Variants in UNC5D observed in about 807,000 individuals in gnomAD.
UNC5D encodes the protein netrin receptor UNC5D.
Under a neutral mutation model 105.4 loss-of-function variants are expected in UNC5D, and 39 were observed. The observed-to-expected ratio is 0.37, with a 90% CI of 0.29 to 0.48. UNC5D has a LOEUF of 0.48. Among genes scored for constraint, UNC5D ranks in the 20% least tolerant of loss-of-function variants. The pLI is 0.98. For missense variants in UNC5D, 991 were observed against 1,202.4 expected (o/e 0.82, Z 2.60); for synonymous variants, 452 against 450.4 (o/e 1.00, Z -0.04).
At chr8:35,563,177 A>G (rs1817083207) in intron 2 of UNC5D, among the ~76,000 whole-genome samples, 1 of 151,956 alleles carries the variant, frequency 6.6e-6, no homozygotes, top group Non-Finnish European at 1.5e-5. Context: ...AGTGTCTTGA[A>G]TCTGTACATT....
At chr8:35,767,963 A>C (rs1235387860) in intron 15 of UNC5D, among the ~76,000 whole-genome samples, 1 of 151,768 alleles carries the variant, frequency 6.6e-6, no homozygotes, top group African/African-American at 2.4e-5. Flanking sequence ...AGGCTAGTGT[A>C]GGGAAACATA....
chr8:35,508,751 C>T (rs1015587722), intron 1 of UNC5D, among the ~76,000 whole-genome samples: 1 of 152,102 alleles, frequency 6.6e-6, no homozygotes, highest in Non-Finnish European at 1.5e-5. Flanking sequence ...AGCACTAAGC[C>T]CTTTAATTAC....
chr8:35,769,822 G>A (rs997385003), intron 15 of UNC5D, among the ~76,000 whole-genome samples: 11 of 152,066 alleles, frequency 7.2e-5, no homozygotes, highest in Non-Finnish European at 1.3e-4. Flanking sequence ...AATTAGCCGG[G>A]AGTGTTGGCG....
rs3991303 is a variant in UNC5D, at chr8:35,265,868, C to CATAATA, written c.103+30015_103+30020dup. Among the ~76,000 whole-genome samples, 619 of 142,488 alleles carry CATAATA rather than the reference C, an allele frequency of 4.3e-3. 5 individuals carry two copies. The highest frequency in any genetic ancestry group is 0.01 in the African/African-American group (398 of 38,538). The allele number at this position is 142,488 out of a possible 152,430, so 93.5% of individuals were successfully genotyped here. A position where few individuals can be genotyped will look rare whatever the true frequency, so the allele number is the denominator to read the frequency against. On this transcript the variant is annotated intron_variant, in intron 1 of 16. Transcript: ENST00000404895. ...CTGAGCGACAGAGCGAGACTCGTCTCATAATAATAATAATAATAATAATAA... is the reference window on the plus strand; with the variant it reads ...CTGAGCGACAGAGCGAGACTCGTCTCATAATAATAATAATAATAATAATAATAATAA...
intron 1 of UNC5D, among the ~76,000 whole-genome samples, chr8:35,275,823 A>G (rs1050798512): frequency 3.9e-5 from 6 of 152,180 alleles, no homozygotes; most frequent in African/African-American, 1.2e-4. Flanking sequence ...CTTAACTTTT[A>G]TACACCTATA....
At position 35,794,339 on chromosome 8, in the gene UNC5D, G is replaced by A. The variant is rs1429605242; in HGVS notation, c.*3776G>A. 2 of 152,096 alleles carry A rather than the reference G, an allele frequency of 1.3e-5. No individual in the cohort carries two copies. The highest frequency in any genetic ancestry group is 2.1e-4 in the South Asian group (1 of 4,828). The allele number at this position is 152,096 out of a possible 1,614,324, so 9.4% of individuals were successfully genotyped here. ...AAGGAGCTGAGAAATCTTCCTCTCC[G>A]GCCCACTGTCTGTGGCCCATTGTCA... On this transcript the variant is annotated 3_prime_UTR_variant, in exon 17 of 17. Coordinates refer to ENST00000404895, the MANE Select transcript of UNC5D (RefSeq NM_080872.4).
chr8:35,585,067 T>A (rs1317660258), intron 3 of UNC5D, among the ~76,000 whole-genome samples: 4 of 152,212 alleles, frequency 2.6e-5, no homozygotes, highest in Non-Finnish European at 5.9e-5. Context: ...CAGCATAATA[T>A]GTCCCTACTG....
intron 1 of UNC5D, among the ~76,000 whole-genome samples, chr8:35,270,297 A>G (rs1343832302): frequency 6.6e-6 from 1 of 152,160 alleles, no homozygotes; most frequent in Non-Finnish European, 1.5e-5. Flanking sequence ...TCGATAGAAG[A>G]TTGCATGTGG....
At chr8:35,269,654 C>A (rs1262982039) in intron 1 of UNC5D, among the ~76,000 whole-genome samples, 4 of 152,206 alleles carry the variant, frequency 2.6e-5, no homozygotes, top group South Asian at 4.1e-4. Context: ...CAATGCCAGA[C>A]ATATTCTCTT....
intron 1 of UNC5D, among the ~76,000 whole-genome samples, chr8:35,392,749 T>C (rs1394808622): frequency 6.6e-6 from 1 of 152,120 alleles, no homozygotes; most frequent in African/African-American, 2.4e-5. Flanking sequence ...GGTAAAGGGG[T>C]GGAAGATGGT....
At chr8:35,297,268 C>A (rs1807564596) in intron 1 of UNC5D, among the ~76,000 whole-genome samples, 1 of 152,104 alleles carries the variant, frequency 6.6e-6, no homozygotes, top group Non-Finnish European at 1.5e-5. Flanking sequence ...ACAAAGAATT[C>A]TTGGTTATTG....
chr8:35,333,466 C>T (rs888988070), intron 1 of UNC5D, among the ~76,000 whole-genome samples: 1 of 151,784 alleles, frequency 6.6e-6, no homozygotes, highest in African/African-American at 2.4e-5. Flanking sequence ...TTGTACAATC[C>T]TTAGGTTTCT....
At chr8:35,348,137 G>T (rs2128907865) in intron 1 of UNC5D, among the ~76,000 whole-genome samples, 1 of 151,988 alleles carries the variant, frequency 6.6e-6, no homozygotes, top group South Asian at 2.1e-4. Context: ...AATATTGGTA[G>T]CTTAGTGTCC....
At chr8:35,258,995 TC>T (rs1348904221) in intron 1 of UNC5D, among the ~76,000 whole-genome samples, 1 of 152,094 alleles carries the variant, frequency 6.6e-6, no homozygotes, top group Non-Finnish European at 1.5e-5. Flanking sequence ...GAAGTACTCT[TC>T]CCCCTGGCTG....
intron 1 of UNC5D, among the ~76,000 whole-genome samples, chr8:35,482,372 T>C (rs1810537605): frequency 6.6e-6 from 1 of 152,150 alleles, no homozygotes; most frequent in Non-Finnish European, 1.5e-5. Flanking sequence ...GAGCCAAAAT[T>C]TGGGCACATT....
intron 1 of UNC5D, among the ~76,000 whole-genome samples, chr8:35,321,970 C>T (rs976681112): frequency 3.3e-5 from 5 of 152,188 alleles, no homozygotes; most frequent in Non-Finnish European, 5.9e-5. Flanking sequence ...CTAAAACCCA[C>T]AGTACCCATT....
rs140800654 is a variant in UNC5D at position 35,792,997 on chromosome 8, A to T, written c.*2434A>T. The stretch of plus-strand genomic sequence containing the variant: ...TTTTTTCCTTTGGCCTGGGTTTTAT[A>T]AACAACTTGAACATCATATCATATA... On this transcript the variant is annotated 3_prime_UTR_variant, in exon 17 of 17. Transcript: ENST00000404895. The T allele has an allele frequency of 7.0e-4, 319 of 454,478 alleles. 1 individual carries two copies. The highest frequency in any genetic ancestry group is 5.2e-3 in the African/African-American group (262 of 50,064). 28.2% of individuals were successfully genotyped at this position (454,478 alleles called of 1,614,324 possible).
chr8:35,564,723 T>C (rs77201751), intron 2 of UNC5D, among the ~76,000 whole-genome samples: 1,966 of 152,208 alleles, frequency 0.013, 55 homozygotes, highest in African/African-American at 0.045. Flanking sequence ...ACCCCATAAG[T>C]AGTTTTATAT....
Position 35,686,713 on chromosome 8 carries a change from A to C in UNC5D, c.1084+4A>C, listed in dbSNP as rs1826033450. 6.3e-7 allele frequency: 1 copy of C among 1,579,144 alleles called. No individual in the cohort carries two copies. Among genetic ancestry groups the C allele is most frequent in the Non-Finnish European group, 8.6e-7 (1 of 1,164,342 alleles). ...ACAGATGGTCTTTGCATCCTAGGTA[A>C]CACTTTTGCTTTAACATCTTCAGTG... On this transcript the variant is annotated splice_donor_region_variant and intron_variant, in intron 7 of 16. Coordinates refer to ENST00000404895, the MANE Select transcript of UNC5D (RefSeq NM_080872.4).
Sources: allele counts gnomAD v4.1 joint callset (sites outside exome capture counted in the v4.1 genomes callset), GRCh38; gene constraint gnomAD v4.1.1; transcripts MANE v1.5; gene names NCBI Gene and HGNC (gene_info 2026-07-23, HGNC 2026-07-21).